Variants in MAP3K15 observed in about 807,000 individuals in gnomAD.
MAP3K15 encodes MAPK/ERK kinase kinase 15.
In MAP3K15, 124 loss-of-function variants were observed where a neutral mutation model predicts 99.5. The observed-to-expected ratio is 1.25, with a 90% CI of 1.08 to 1.45. The LOEUF (loss-of-function observed/expected upper bound fraction) is 1.45, where lower values mean the gene tolerates loss of function less well. Among genes scored for constraint, MAP3K15 ranks in the 40% most tolerant of loss-of-function variants. The pLI, the probability that MAP3K15 is intolerant of heterozygous loss-of-function variation, is 0.00. For synonymous variants in MAP3K15, 494 were observed against 439.6 expected (o/e 1.12, Z -1.55); for missense variants, 1,242 against 1,079.7 (o/e 1.15, Z -2.11).
intron 1 of MAP3K15, chrX:19,497,127 T>C (rs980378923): frequency 8.2e-5 from 9 of 110,342 alleles, no homozygotes; most frequent in African/African-American, 3.0e-4. Context: ...GATAAGCACA[T>C]TGGATGCAGT....
In MAP3K15 at chrX:19,476,356, G is replaced by A. The variant is rs950513192; in HGVS notation, c.525+10126C>T. Among the ~76,000 whole-genome samples, 22 of 111,808 alleles carry A rather than the reference G, an allele frequency of 2.0e-4. No individual in the cohort carries two copies. In the East Asian group the frequency reaches 2.2e-3, roughly 11 times the overall value. On this transcript the variant is annotated intron_variant, in intron 3 of 28. Coordinates refer to ENST00000338883, the MANE Select transcript of MAP3K15 (RefSeq NM_001001671.4). ...GGGTCACAAATACTTAGTGAAAACC[G>A]CAACTGAAAAAACACAGAAGATTGT... is the stretch of plus-strand genomic sequence containing the variant.
At chrX:19,420,862 G>T (rs1225268467) in intron 9 of MAP3K15, among the ~76,000 whole-genome samples, 1 of 111,907 alleles carries the variant, frequency 8.9e-6, no homozygotes, top group African/African-American at 3.3e-5. Context: ...TCCCTGGGAT[G>T]CAAGGCTGGT....
intron 3 of MAP3K15, among the ~76,000 whole-genome samples, chrX:19,464,805 T>A (rs1049016074): frequency 1.8e-5 from 2 of 112,086 alleles, no homozygotes; most frequent in African/African-American, 6.5e-5. Context: ...GGCATATTAT[T>A]TGATCATTTA....
At chrX:19,455,654 C>G (rs749499798) in intron 6 of MAP3K15, among the ~76,000 whole-genome samples, 5 of 107,069 alleles carry the variant, frequency 4.7e-5, no homozygotes, top group Non-Finnish European at 9.6e-5. Flanking sequence ...GCCACTGCGG[C>G]CGGCCCCAAT....
At chrX:19,474,732 G>T (rs1027777530) in intron 3 of MAP3K15, among the ~76,000 whole-genome samples, 1 of 110,584 alleles carries the variant, frequency 9.0e-6, no homozygotes, top group Non-Finnish European at 1.9e-5. Context: ...CAGTTCCTGC[G>T]GAGATCTCAG....
Position 19,490,569 on chromosome X carries a change from G to A in MAP3K15, c.362-1602C>T, listed in dbSNP as rs756570023. On this transcript the variant is annotated intron_variant, in intron 1 of 28. Transcript: ENST00000338883. ...TCAAGACCAGCCTGGACAACATGGC[G>A]AAACCCCATCTCTATAAAAAATACA... is the stretch of plus-strand genomic sequence containing the variant. Among the ~76,000 whole-genome samples, 15 of 109,955 alleles carry A rather than the reference G, an allele frequency of 1.4e-4. No individual in the cohort carries two copies. In the East Asian group the frequency reaches 4.3e-3, roughly 32 times the overall value.
intron 6 of MAP3K15, among the ~76,000 whole-genome samples, chrX:19,447,398 C>G (rs1417217057): frequency 1.8e-5 from 2 of 111,864 alleles, no homozygotes; most frequent in Non-Finnish European, 3.8e-5. Context: ...CCCTACATTG[C>G]TGAAATAAGA....
At chrX:19,466,277 C>T (rs2064168660) in intron 3 of MAP3K15, among the ~76,000 whole-genome samples, 1 of 111,725 alleles carries the variant, frequency 9.0e-6, no homozygotes, top group African/African-American at 3.3e-5. Context: ...TTCTTTCTTC[C>T]ACCTTGATAT....
At chrX:19,380,569 A>G (rs1486299201) in intron 18 of MAP3K15, among the ~76,000 whole-genome samples, 1 of 111,061 alleles carries the variant, frequency 9.0e-6, no homozygotes, top group East Asian at 2.8e-4. Context: ...TCTGTCGCCC[A>G]GGCTGGAGTG....
At chrX:19,418,386 G>T (rs1488417491) in intron 9 of MAP3K15, among the ~76,000 whole-genome samples, 8 of 111,804 alleles carry the variant, frequency 7.2e-5, no homozygotes, top group African/African-American at 2.6e-4. Flanking sequence ...CAAGAACTAT[G>T]TGATGAATGC....
Position 19,379,091 on chromosome X carries a change from C to A in MAP3K15, c.2589+1029G>T, listed in dbSNP as rs941775986. Among the ~76,000 whole-genome samples, 15 of 110,770 alleles carry A rather than the reference C, an allele frequency of 1.4e-4. No homozygotes were observed. The East Asian group carries it at 1.7e-3, about 13-fold the overall frequency. On this transcript the variant is annotated intron_variant, in intron 19 of 28. Coordinates refer to ENST00000338883, the MANE Select transcript of MAP3K15 (RefSeq NM_001001671.4). ...AAAATAAAGGGAAAGGACCCTCCCC[C>A]ACCCTGCCCAGCTTTCTTAGAGCCT...
At chrX:19,509,030 G>A (rs2064499645) in intron 1 of MAP3K15, among the ~76,000 whole-genome samples, 1 of 111,715 alleles carries the variant, frequency 9.0e-6, no homozygotes, top group Admixed American at 9.6e-5. Context: ...TTACGTCCAA[G>A]GCCTGCCTGC....
intron 3 of MAP3K15, among the ~76,000 whole-genome samples, chrX:19,467,106 C>T (rs766799865): frequency 8.1e-5 from 9 of 111,615 alleles, no homozygotes; most frequent in African/African-American, 2.3e-4. Flanking sequence ...ACTGAACACC[C>T]CTGATTTAAA....
intron 3 of MAP3K15, among the ~76,000 whole-genome samples, chrX:19,467,690 C>T (rs979883699): frequency 5.6e-5 from 2 of 35,463 alleles, no homozygotes; most frequent in Admixed American, 4.0e-4. Context: ...TTGCTTAAAC[C>T]CGGGAGGCAG....
At chrX:19,422,366 C>T (rs1351007659) in intron 9 of MAP3K15, among the ~76,000 whole-genome samples, 3 of 111,564 alleles carry the variant, frequency 2.7e-5, no homozygotes, top group African/African-American at 9.8e-5. Context: ...AAAAAGTGGG[C>T]AAAGAATATG....
chrX:19,367,812 G>A (rs1285903448), intron 25 of MAP3K15, among the ~76,000 whole-genome samples: 1 of 85,874 alleles, frequency 1.2e-5, no homozygotes, highest in Admixed American at 1.5e-4. Flanking sequence ...GCAGTGGCAC[G>A]ATCTCGGCTC....
intron 3 of MAP3K15, among the ~76,000 whole-genome samples, 160 bp from the exon 4 acceptor site, chrX:19,464,566 G>A (rs370524045): frequency 9.0e-6 from 1 of 111,267 alleles, no homozygotes; most frequent in Non-Finnish European, 1.9e-5. Flanking sequence ...ACAGGAAACC[G>A]CTCGATTTCA....
At chrX:19,466,121 G>T (rs2064167460) in intron 3 of MAP3K15, among the ~76,000 whole-genome samples, 1 of 110,698 alleles carries the variant, frequency 9.0e-6, no homozygotes, top group African/African-American at 3.3e-5. Context: ...ACCTGGCCTT[G>T]TAATACTTTC....
At chrX:19,437,637 AC>A (rs1439379736) in intron 6 of MAP3K15, among the ~76,000 whole-genome samples, 1 of 111,567 alleles carries the variant, frequency 9.0e-6, no homozygotes, top group Non-Finnish European at 1.9e-5. Flanking sequence ...CTTACTGGCT[AC>A]CCTATCACCC....
Sources: allele counts gnomAD v4.1 joint callset (sites outside exome capture counted in the v4.1 genomes callset), GRCh38; gene constraint gnomAD v4.1.1; transcripts MANE v1.5; gene names NCBI Gene and HGNC (gene_info 2026-07-23, HGNC 2026-07-21).